Variants in C8orf34 observed in about 807,000 individuals in gnomAD.
C8orf34 encodes the protein chromosome 8 open reading frame 34.
In C8orf34, 65 loss-of-function variants were observed where a neutral mutation model predicts 68.3. The ratio of observed to expected loss-of-function variants is 0.95; its 90% CI spans 0.78 to 1.17. The LOEUF (loss-of-function observed/expected upper bound fraction) is 1.17. Ranked by LOEUF, C8orf34 falls within the 50% of genes most tolerant of loss-of-function variation. The probability of loss-of-function intolerance (pLI) is 0.00; values close to 1 mark genes in which losing one functional copy is unlikely to be tolerated. For synonymous variants in C8orf34, 244 were observed against 241.2 expected (o/e 1.01, Z -0.11); for missense variants, 664 against 655.4 (o/e 1.01, Z -0.14).
rs75703352 is a variant in C8orf34, at chr8:68,560,911, C to A, written c.1105+27762C>A. The stretch of plus-strand genomic sequence containing the variant: ...TAGATTTATCTTAAAATTTTTCTTT[C>A]TTCATTAATAAATTAACCTTAGCTT... On this transcript the variant is annotated intron_variant, in intron 7 of 13. Coordinates refer to ENST00000518698, the MANE Select transcript of C8orf34 (RefSeq NM_052958.4). Among the ~76,000 whole-genome samples the A allele has an allele frequency of 6.6e-5, 10 of 151,150 alleles. No homozygotes were observed. The East Asian group carries it at 1.7e-3, about 26-fold the overall frequency.
intron 1 of C8orf34, among the ~76,000 whole-genome samples, chr8:68,427,672 C>A (rs184184681): frequency 6.6e-6 from 1 of 151,114 alleles, no homozygotes; most frequent in Non-Finnish European, 1.5e-5. Context: ...TGGAACTATA[C>A]ACACACACAC....
intron 1 of C8orf34, among the ~76,000 whole-genome samples, chr8:68,361,960 A>G (rs551801088): frequency 6.6e-6 from 1 of 152,362 alleles, no homozygotes; most frequent in South Asian, 2.1e-4. Context: ...TACAATCTCT[A>G]TAGTCAGTTA....
chr8:68,784,941 T>C (rs2978238), intron 11 of C8orf34, among the ~76,000 whole-genome samples: 70,386 of 151,866 alleles, frequency 0.46, 18,851 homozygotes, highest in African/African-American at 0.74. Context: ...GGTTCTTTCA[T>C]TGGAGAATGA....
At chr8:68,733,407 A>G (rs1394366334) in intron 10 of C8orf34, among the ~76,000 whole-genome samples, 2 of 152,200 alleles carry the variant, frequency 1.3e-5, no homozygotes, top group African/African-American at 4.8e-5. Flanking sequence ...CATCTAGGCA[A>G]TGGAGAGTTA....
At chr8:68,649,361 T>C (rs1819275425) in intron 8 of C8orf34, among the ~76,000 whole-genome samples, 1 of 152,216 alleles carries the variant, frequency 6.6e-6, no homozygotes, top group African/African-American at 2.4e-5. Flanking sequence ...CTTACTTGTA[T>C]ACCAGCTAGA....
chr8:68,619,159 T>A (rs1818315069), intron 7 of C8orf34, among the ~76,000 whole-genome samples: 1 of 151,882 alleles, frequency 6.6e-6, no homozygotes, highest in Admixed American at 6.6e-5. Flanking sequence ...GAAATCTCAT[T>A]TACTACAAAT....
intron 5 of C8orf34, among the ~76,000 whole-genome samples, chr8:68,521,583 G>A (rs1386665704): frequency 1.3e-5 from 2 of 152,026 alleles, no homozygotes; most frequent in East Asian, 3.8e-4. Flanking sequence ...TCAAAGCAAA[G>A]ATTTCACTCC....
chr8:68,341,893 C>T (rs1222436863), intron 1 of C8orf34, among the ~76,000 whole-genome samples: 1 of 152,064 alleles, frequency 6.6e-6, no homozygotes, highest in African/African-American at 2.4e-5. Flanking sequence ...CAAGAATGGC[C>T]TAACACATCA....
At position 68,408,339 on chromosome 8, in the gene C8orf34, TA is replaced by T. The variant is rs200884147; in HGVS notation, c.328-31158del. On this transcript the variant is annotated intron_variant, in intron 1 of 13. Coordinates refer to ENST00000518698, the MANE Select transcript of C8orf34 (RefSeq NM_052958.4). ...TGTATTATATATTATAATGTAATAA[TA>T]ATATAAATAAAGTACACAATAAATG... Among the ~76,000 whole-genome samples, 1,326 of 151,636 alleles carry T rather than the reference TA, an allele frequency of 8.7e-3. 27 individuals carry two copies. The highest frequency in any genetic ancestry group is 0.03 in the African/African-American group (1,242 of 41,314).
chr8:68,781,567 G>A (rs1026885251), intron 11 of C8orf34, among the ~76,000 whole-genome samples: 9 of 152,116 alleles, frequency 5.9e-5, no homozygotes, highest in Non-Finnish European at 1.0e-4. Flanking sequence ...AGAGGGACAC[G>A]TCAGCTTTTG....
intron 8 of C8orf34, among the ~76,000 whole-genome samples, chr8:68,706,725 A>G (rs1821177713): frequency 1.3e-5 from 2 of 152,196 alleles, no homozygotes; most frequent in Non-Finnish European, 2.9e-5. Flanking sequence ...GTAGATACAC[A>G]TGAATATCAA....
intron 5 of C8orf34, among the ~76,000 whole-genome samples, chr8:68,499,689 A>G (rs1474643828): frequency 6.6e-6 from 1 of 152,188 alleles, no homozygotes; most frequent in Non-Finnish European, 1.5e-5. Flanking sequence ...TTAATTAACA[A>G]AAGGAGCAAC....
At chr8:68,476,491 G>T (rs181517523) in intron 4 of C8orf34, among the ~76,000 whole-genome samples, 2 of 152,146 alleles carry the variant, frequency 1.3e-5, no homozygotes, top group African/African-American at 4.8e-5. Flanking sequence ...CATTGAAAAG[G>T]CCAAAAGGAT....
chr8:68,636,734 C>G (rs116648809), intron 7 of C8orf34, among the ~76,000 whole-genome samples: 67 of 152,252 alleles, frequency 4.4e-4, no homozygotes, highest in African/African-American at 1.5e-3. Flanking sequence ...CTTAGTCAAT[C>G]ATATCACAAG....
rs16935112 is a variant in C8orf34 at position 68,818,800 on chromosome 8, T to G, written c.*554T>G. On this transcript the variant is annotated 3_prime_UTR_variant, in exon 14 of 14. Coordinates refer to ENST00000518698, the MANE Select transcript of C8orf34 (RefSeq NM_052958.4). ...CTCTTTCTCATGATTATTTTCTCTA[T>G]TCCTATTAAAATGAATAATTGATAT... 1 of 152,058 alleles carries G rather than the reference T, an allele frequency of 6.6e-6. No homozygotes were observed. Among genetic ancestry groups the G allele is most frequent in the Admixed American group, 6.6e-5 (1 of 15,258 alleles). 9.4% of individuals were successfully genotyped at this position (152,058 alleles called of 1,614,324 possible).
At chr8:68,480,170 A>G (rs1284520013) in intron 4 of C8orf34, among the ~76,000 whole-genome samples, 1 of 152,194 alleles carries the variant, frequency 6.6e-6, no homozygotes, top group African/African-American at 2.4e-5. Flanking sequence ...GAGGTAATGG[A>G]ATCACAGGGG....
chr8:68,435,719 T>G (rs117614175), intron 1 of C8orf34, among the ~76,000 whole-genome samples: 1,853 of 152,344 alleles, frequency 0.012, 8 homozygotes, highest in Non-Finnish European at 0.019. Context: ...ATATGGAGAT[T>G]CTGAGAATTC....
At chr8:68,557,381 A>G (rs950219638) in intron 7 of C8orf34, among the ~76,000 whole-genome samples, 1 of 152,218 alleles carries the variant, frequency 6.6e-6, no homozygotes, top group Non-Finnish European at 1.5e-5. Context: ...CAAAAGCTTA[A>G]CAAAACTGTT....
chr8:68,651,083 C>G (rs1819344276), intron 8 of C8orf34, among the ~76,000 whole-genome samples: 1 of 152,230 alleles, frequency 6.6e-6, no homozygotes, highest in East Asian at 1.9e-4. Context: ...AAATTTCTTT[C>G]TAGCTCCTCT....
Sources: gnomAD v4.1 joint callset for allele counts (sites outside exome capture counted in the v4.1 genomes callset) on GRCh38, gnomAD v4.1.1 for gene constraint, MANE v1.5 for transcripts, NCBI Gene and HGNC (gene_info 2026-07-23, HGNC 2026-07-21) for gene names.